CAST: variants seen among roughly 807,000 people sequenced by gnomAD.
CAST encodes the protein calpastatin.
Under a neutral mutation model 119.6 loss-of-function variants are expected in CAST, and 76 were observed. The observed-to-expected ratio is 0.64, with a 90% CI of 0.53 to 0.77. The LOEUF (loss-of-function observed/expected upper bound fraction) is 0.77. CAST is among the 30% of genes least tolerant of loss of function. The probability of loss-of-function intolerance (pLI) is 0.00; values close to 1 mark genes in which losing one functional copy is unlikely to be tolerated. For synonymous variants in CAST, 319 were observed against 331.6 expected (o/e 0.96, Z 0.41); for missense variants, 953 against 946.5 (o/e 1.01, Z -0.09).
At position 96,629,915 on chromosome 5, in the gene CAST, A is replaced by G. The variant is rs187735016; in HGVS notation, c.61-45624A>G. 1.7e-3 allele frequency among the ~76,000 whole-genome samples: 253 copies of G among 152,314 alleles called. 1 individual carries two copies. Among genetic ancestry groups the G allele is most frequent in the Non-Finnish European group, 2.9e-3 (199 of 68,018 alleles). On this transcript the variant is annotated intron_variant, in intron 1 of 11. Coordinates refer to the CAST transcript ENST00000505143. ...TATGAATTTGCAAACACAGATTTAA[A>G]CCACAGCCAAGCCCTAAACCAGCTA...
At chr5:96,708,603 A>T (rs1004563030) in intron 3 of CAST, among the ~76,000 whole-genome samples, 1 of 151,908 alleles carries the variant, frequency 6.6e-6, no homozygotes, top group Non-Finnish European at 1.5e-5. Context: ...TGATCCTCCT[A>T]CCTCAGCCTC....
the CAST span, among the ~76,000 whole-genome samples, chr5:96,091,138 C>T: frequency 6.6e-6 from 1 of 151,736 alleles, no homozygotes; most frequent in Non-Finnish European, 1.5e-5. Context: ...GACAGACAGG[C>T]CTGGATTTGA....
At chr5:96,162,457 G>A in the CAST span, among the ~76,000 whole-genome samples, 495 of 152,094 alleles carry the variant, frequency 3.3e-3, 1 homozygote, top group Non-Finnish European at 3.9e-3. Context: ...TTGCTCTGTC[G>A]CCCAGGCTGG....
intron 3 of CAST, among the ~76,000 whole-genome samples, chr5:96,722,172 C>T (rs1365750585): frequency 6.6e-6 from 1 of 152,092 alleles, no homozygotes; most frequent in Non-Finnish European, 1.5e-5. Flanking sequence ...GTAAATGGAC[C>T]TGGAAGACAA....
the CAST span, among the ~76,000 whole-genome samples, chr5:96,040,846 T>A: frequency 2.0e-5 from 3 of 152,314 alleles, no homozygotes; most frequent in South Asian, 2.1e-4. Flanking sequence ...TTTTGTTGTG[T>A]CTCTGCTAGG....
At chr5:96,603,759 C>CTTTTTTTTTTTTTTTTTTTT (rs70981832) in intron 1 of CAST, among the ~76,000 whole-genome samples, 1 of 79,498 alleles carries the variant, frequency 1.3e-5, no homozygotes. Flanking sequence ...GTGCTGTACT[C>CTTTTTTTTTTTTTTTTTTTT]TTTTTTTTTT....
chr5:96,215,674 G>A, the CAST span, among the ~76,000 whole-genome samples: 1 of 152,068 alleles, frequency 6.6e-6, no homozygotes, highest in Non-Finnish European at 1.5e-5. Context: ...CCACTCATGA[G>A]TCAGCAAGAC....
At chr5:96,353,472 A>G in the CAST span, among the ~76,000 whole-genome samples, 1 of 152,144 alleles carries the variant, frequency 6.6e-6, no homozygotes, top group Non-Finnish European at 1.5e-5. Context: ...CTGGTAAAAC[A>G]TTGTTTCTGG....
intron 12 of CAST, 56 bp from the exon 13 acceptor site, chr5:96,740,689 C>G (rs375426765): frequency 7.6e-7 from 1 of 1,320,006 alleles, no homozygotes; most frequent in African/African-American, 1.4e-5. Context: ...TACATTTTGC[C>G]GATCTTAAGG....
chr5:96,173,749 T>C, the CAST span, among the ~76,000 whole-genome samples: 38,976 of 148,092 alleles, frequency 0.26, 5,615 homozygotes, highest in Admixed American at 0.39. Context: ...CTTTTTTTTT[T>C]CTTTTTTTTT....
At chr5:96,044,577 A>G in the CAST span, among the ~76,000 whole-genome samples, 1 of 152,218 alleles carries the variant, frequency 6.6e-6, no homozygotes, top group East Asian at 1.9e-4. Flanking sequence ...AAGGTTCAAC[A>G]AAAGTATGCC....
At chr5:96,081,376 G>A in the CAST span, among the ~76,000 whole-genome samples, 1 of 152,214 alleles carries the variant, frequency 6.6e-6, no homozygotes, top group Non-Finnish European at 1.5e-5. Flanking sequence ...GGGAACTTGT[G>A]AAGTCCCATA....
chr5:96,185,104 G>A, the CAST span, among the ~76,000 whole-genome samples: 2 of 152,142 alleles, frequency 1.3e-5, no homozygotes, highest in Non-Finnish European at 2.9e-5. Flanking sequence ...TATCAGTGAT[G>A]TTGAGCTTTT....
the CAST span, among the ~76,000 whole-genome samples, chr5:95,967,448 A>ATAAATAAATAAATAAG: frequency 2.6e-5 from 4 of 151,980 alleles, no homozygotes; most frequent in South Asian, 2.1e-4. Context: ...AAATAAATAA[A>ATAAATAAATAAATAAG]TAAGTAAATT....
At chr5:96,325,016 C>A in the CAST span, among the ~76,000 whole-genome samples, 5 of 152,028 alleles carry the variant, frequency 3.3e-5, no homozygotes, top group African/African-American at 2.4e-5. Flanking sequence ...ACTAGCCTTG[C>A]CAACATGGTG....
chr5:96,069,509 G>T, the CAST span, among the ~76,000 whole-genome samples: 7 of 151,210 alleles, frequency 4.6e-5, no homozygotes, highest in Non-Finnish European at 1.0e-4. Context: ...TAAGAGACAG[G>T]GTCTTGCTCT....
chr5:96,607,700 G>T (rs1723463096), intron 1 of CAST, among the ~76,000 whole-genome samples: 1 of 150,690 alleles, frequency 6.6e-6, no homozygotes, highest in South Asian at 2.1e-4. Context: ...AATTAAGTTT[G>T]TTCTTTAAGT....
chr5:95,974,533 C>T, the CAST span, among the ~76,000 whole-genome samples: 3 of 152,160 alleles, frequency 2.0e-5, no homozygotes, highest in African/African-American at 4.8e-5. Context: ...TAATAGTTTT[C>T]GAAGCTTTCT....
chr5:96,077,136 T>C, the CAST span, among the ~76,000 whole-genome samples: 1,449 of 152,064 alleles, frequency 9.5e-3, 30 homozygotes, highest in African/African-American at 0.032. Context: ...CCTTCAACTT[T>C]ATTAAAGTAT....
Sources: gnomAD v4.1 joint callset for allele counts (sites outside exome capture counted in the v4.1 genomes callset) on GRCh38, gnomAD v4.1.1 for gene constraint, MANE v1.5 for transcripts, NCBI Gene and HGNC (gene_info 2026-07-23, HGNC 2026-07-21) for gene names.